MEGF11: variants seen among roughly 807,000 people sequenced by gnomAD.
The protein encoded by MEGF11 is multiple epidermal growth factor-like domains protein 11.
MEGF11 carries 126 observed loss-of-function variants against 146.6 expected under a neutral mutation model. The observed-to-expected ratio is 0.86, with a 90% confidence interval of 0.74 to 1.00. The LOEUF (loss-of-function observed/expected upper bound fraction) is 1.00. MEGF11 is among the 50% of genes least tolerant of loss of function. The pLI, the probability that MEGF11 is intolerant of heterozygous loss-of-function variation, is 0.00. For missense variants in MEGF11, 1,509 were observed against 1,521.2 expected, an observed-to-expected ratio of 0.99 and a Z score of 0.13; for synonymous variants, 532 against 583.4, an observed-to-expected ratio of 0.91 and a Z score of 1.27.
chr15:66,121,637 A>C (rs1454495551), intron 3 of MEGF11, among the ~76,000 whole-genome samples: 1 of 152,206 alleles, frequency 6.6e-6, no homozygotes, highest in African/African-American at 2.4e-5. Context: ...GAACCACAGG[A>C]CAAGGCCAGG....
intron 5 of MEGF11, among the ~76,000 whole-genome samples, chr15:66,078,692 T>C (rs751213308): frequency 1.3e-5 from 2 of 152,136 alleles, no homozygotes; most frequent in Non-Finnish European, 2.9e-5. Context: ...TGCAGGTCCT[T>C]TTCACACCTG....
intron 5 of MEGF11, among the ~76,000 whole-genome samples, chr15:66,073,138 G>T (rs563202153): frequency 1.3e-5 from 2 of 152,204 alleles, no homozygotes; most frequent in Non-Finnish European, 2.9e-5. Flanking sequence ...TTCCTGTGCA[G>T]TGCACCCCCA....
At chr15:65,908,037 A>G (rs549052734) in intron 23 of MEGF11, among the ~76,000 whole-genome samples, 71 of 152,258 alleles carry the variant, frequency 4.7e-4, no homozygotes, top group African/African-American at 1.5e-3. Context: ...GTGTGTGTGT[A>G]TATGCTGGAA....
intron 5 of MEGF11, among the ~76,000 whole-genome samples, chr15:66,030,801 T>TC (rs1391028997): frequency 6.6e-6 from 1 of 152,046 alleles, no homozygotes; most frequent in East Asian, 1.9e-4. Context: ...AGAGGCCACG[T>TC]CCCCCGTGCC....
At chr15:66,140,366 G>GTGAACCAC (rs1468333375) in intron 1 of MEGF11, among the ~76,000 whole-genome samples, 1 of 152,206 alleles carries the variant, frequency 6.6e-6, no homozygotes, top group African/African-American at 2.4e-5. Flanking sequence ...ATTCAGAAAT[G>GTGAACCAC]TGAACCACCC....
chr15:66,237,119 G>C (rs1279901676), intron 1 of MEGF11, among the ~76,000 whole-genome samples: 1 of 152,142 alleles, frequency 6.6e-6, no homozygotes, highest in East Asian at 1.9e-4. Context: ...ATTTCCACCA[G>C]ACACAGTGCC....
intron 1 of MEGF11, among the ~76,000 whole-genome samples, chr15:66,169,415 G>A (rs1251436756): frequency 6.6e-6 from 1 of 152,228 alleles, no homozygotes; most frequent in African/African-American, 2.4e-5. Context: ...GTGCAGGGAA[G>A]GGATGGTCCT....
At chr15:66,119,874 T>G (rs2087934534) in intron 3 of MEGF11, among the ~76,000 whole-genome samples, 1 of 152,182 alleles carries the variant, frequency 6.6e-6, no homozygotes, top group Non-Finnish European at 1.5e-5. Context: ...CTGACACAAG[T>G]GTTAAGGCTT....
At chr15:65,913,543 A>G (rs1596826414) in intron 20 of MEGF11, 194 bp downstream of exon 20, 1 of 611,294 alleles carries the variant, frequency 1.6e-6, no homozygotes, top group Non-Finnish European at 2.9e-6. Context: ...AGAGCTAGGG[A>G]CTCAGGAAAC....
chr15:65,906,006 G>C lies in MEGF11; in HGVS notation c.3055+79C>G. ...AGGCACACACAGTTTGTCTCAAGTG[G>C]AATTCCTGGCCATTTCAGATCTGCA... On this transcript the variant is annotated intron_variant, in intron 24 of 25. Coordinates refer to ENST00000395614, the MANE Select transcript of MEGF11 (RefSeq NM_001385028.1). 18 of 1,229,220 alleles carry C rather than the reference G, an allele frequency of 1.5e-5. No homozygotes were observed. The South Asian group carries it at 2.4e-4, about 16-fold the overall frequency. The allele number at this position is 1,229,220 out of a possible 1,614,324, so 76.1% of individuals were successfully genotyped here. A position where few individuals can be genotyped will look rare whatever the true frequency, so the allele number is the denominator to read the frequency against.
At chr15:66,253,258 A>T (rs946862964) in intron 1 of MEGF11, among the ~76,000 whole-genome samples, 3 of 152,078 alleles carry the variant, frequency 2.0e-5, no homozygotes, top group African/African-American at 7.2e-5. Flanking sequence ...TCCCCGGGAC[A>T]CCCGCGCCGC....
chr15:66,101,032 TG>T (rs1337516398), intron 4 of MEGF11, among the ~76,000 whole-genome samples: 2 of 92,338 alleles, frequency 2.2e-5, no homozygotes, highest in African/African-American at 4.2e-5. Flanking sequence ...GGTGAGCGGG[TG>T]AGCAGGCGGG....
At chr15:66,241,852 C>T (rs185379939) in intron 1 of MEGF11, among the ~76,000 whole-genome samples, 42 of 152,162 alleles carry the variant, frequency 2.8e-4, no homozygotes, top group African/African-American at 9.9e-4. Context: ...TACAGACGTC[C>T]TCACATCCCT....
At chr15:66,224,323 C>T (rs1268955661) in intron 1 of MEGF11, among the ~76,000 whole-genome samples, 1 of 152,038 alleles carries the variant, frequency 6.6e-6, no homozygotes, top group African/African-American at 2.4e-5. Context: ...GTCTGTAATC[C>T]CAGCACTTTG....
intron 5 of MEGF11, among the ~76,000 whole-genome samples, chr15:66,060,588 C>G (rs976362450): frequency 6.6e-6 from 1 of 152,194 alleles, no homozygotes; most frequent in African/African-American, 2.4e-5. Flanking sequence ...GTGAAGTGTA[C>G]CCTCCAGGCA....
At chr15:65,898,644 G>T in intron 25 of MEGF11, 84 bp downstream of exon 25, 1 of 1,577,752 alleles carries the variant, frequency 6.3e-7, no homozygotes, top group South Asian at 1.2e-5. Flanking sequence ...TGGTCAAGGT[G>T]GGGTGAGTGG....
chr15:66,175,914 T>G (rs560098215), intron 1 of MEGF11, among the ~76,000 whole-genome samples: 1 of 152,252 alleles, frequency 6.6e-6, no homozygotes, highest in African/African-American at 2.4e-5. Context: ...TGCAAAATAT[T>G]CATGGGACAA....
At chr15:65,985,065 G>A (rs1301047053) in intron 5 of MEGF11, among the ~76,000 whole-genome samples, 1 of 152,150 alleles carries the variant, frequency 6.6e-6, no homozygotes, top group East Asian at 1.9e-4. Flanking sequence ...CACCACGCCC[G>A]GCCAGACAGC....
At chr15:66,120,298 A>G (rs1319178511) in intron 3 of MEGF11, among the ~76,000 whole-genome samples, 3 of 152,194 alleles carry the variant, frequency 2.0e-5, no homozygotes, top group Non-Finnish European at 4.4e-5. Context: ...AAAGTGGAAG[A>G]GATTTGAAGT....
Sources: gnomAD v4.1 joint callset for allele counts (sites outside exome capture counted in the v4.1 genomes callset) on GRCh38, gnomAD v4.1.1 for gene constraint, MANE v1.5 for transcripts, NCBI Gene and HGNC (gene_info 2026-07-23, HGNC 2026-07-21) for gene names.